Variants in JAG2 observed in about 807,000 individuals in gnomAD.
JAG2 encodes protein jagged-2.
A neutral mutation model predicts 141.7 loss-of-function variants in JAG2; 46 were observed. That is an observed-to-expected ratio of 0.32 (90% CI 0.26 to 0.42). JAG2 has a LOEUF of 0.42. Among genes scored for constraint, JAG2 ranks in the 10% least tolerant of loss-of-function variants. The pLI, the probability that JAG2 is intolerant of heterozygous loss-of-function variation, is 1.00. For synonymous variants in JAG2, 862 were observed against 763.5 expected (o/e 1.13, Z -2.13); for missense variants, 1,500 against 1,817.5 (o/e 0.83, Z 3.18).
Position 105,168,389 on chromosome 14 carries a change from CG to C in JAG2, c.31del (p.Arg11GlyfsTer24), listed in dbSNP as rs1315916121. The C allele has an allele frequency of 6.8e-6, 7 of 1,029,108 alleles. No individual in the cohort carries two copies. The highest frequency in any genetic ancestry group is 6.0e-6 in the Non-Finnish European group (5 of 838,742). The allele number at this position is 1,029,108 out of a possible 1,614,324, so 63.7% of individuals were successfully genotyped here. A position where few individuals can be genotyped will look rare whatever the true frequency, so the allele number is the denominator to read the frequency against. ...GAGCGCCAGCAGCAGCAGCAGCCGC[CG>C]GGGAAGGCGCCCCCGGCCCTGCGCC... MRAQGRGRLP[R>X]RLLLLLALWV... On this transcript the variant is annotated frameshift_variant, in exon 1 of 26. Coordinates refer to ENST00000331782, the MANE Select transcript of JAG2 (RefSeq NM_002226.5). LOFTEE classifies it high-confidence loss of function.
At position 105,144,972 on chromosome 14, in the gene JAG2, G is replaced by A. The variant is rs779846401; in HGVS notation, c.3042C>T (p.Cys1014=). The change falls in exon 24 of 26, where the codon TGC becomes TGT. Residue 1014 remains cysteine, a synonymous_variant. Transcript: ENST00000331782. The part of the protein sequence containing the change: ...VARDRLLVLL[C]DRASSGASAV... ...CACTGGCCCCCGAGGACGCCCGGTC[G>A]CAAAGCAACACCAGCAGGCGGTCCC... 16 of 1,606,944 alleles carry A rather than the reference G, an allele frequency of 1.0e-5. No homozygotes were observed. The highest frequency in any genetic ancestry group is 3.3e-5 in the South Asian group (3 of 90,624).
Position 105,154,562 on chromosome 14 carries a change from G to C in JAG2, c.788+1000C>G, listed in dbSNP as rs758001589. ...AGGCCTCCACCATCTGGACTTGGCT[G>C]TAAGACCCCGGACACTCCCTTGTGG... On this transcript the variant is annotated intron_variant, in intron 5 of 25. Coordinates refer to ENST00000331782, the MANE Select transcript of JAG2 (RefSeq NM_002226.5). The surrounding 1 kb of genome is among the most constrained non-coding windows in gnomAD (Gnocchi z 4.4). 1.3e-5 allele frequency among the ~76,000 whole-genome samples: 2 copies of C among 152,130 alleles called. No individual in the cohort carries two copies. The highest frequency in any genetic ancestry group is 6.5e-5 in the Admixed American group (1 of 15,286).
chr14:105,166,647 C>T (rs1201464934), intron 2 of JAG2, among the ~76,000 whole-genome samples: 2 of 152,322 alleles, frequency 1.3e-5, no homozygotes, highest in East Asian at 3.9e-4. Context: ...GCCAGGGCTG[C>T]AAAGGTACAG....
At chr14:105,168,152 G>C (rs1282563861) in intron 1 of JAG2, 45 bp from the exon 2 acceptor site, 3 of 1,430,954 alleles carry the variant, frequency 2.1e-6, no homozygotes, top group Non-Finnish European at 2.7e-6. Flanking sequence ...GCGGGCCGGG[G>C]TCGGCGGGCC....
chr14:105,164,808 C>T (rs1362460674), intron 2 of JAG2, among the ~76,000 whole-genome samples: 8 of 152,202 alleles, frequency 5.3e-5, no homozygotes, highest in Admixed American at 5.2e-4. Flanking sequence ...CCCCATCTGA[C>T]TTCGTGAGAC....
rs908053699 is a variant in JAG2, at chr14:105,152,346, G to A, written c.789-55C>T. On this transcript the variant is annotated intron_variant, in intron 5 of 25. Transcript: ENST00000331782. ...AGTGAGCTGTGGTGCCTGAAAGGGTGGCAGGGGAGCCAGGCACAGTCACCC... is the reference window on the plus strand; with the variant it reads ...AGTGAGCTGTGGTGCCTGAAAGGGTAGCAGGGGAGCCAGGCACAGTCACCC... 8.2e-6 allele frequency: 13 copies of A among 1,586,784 alleles called. No individual in the cohort carries two copies. The Admixed American group carries it at 1.4e-4, about 17-fold the overall frequency.
At chr14:105,157,858 G>A in intron 2 of JAG2, 95 bp from the exon 3 acceptor site, 1 of 1,150,788 alleles carries the variant, frequency 8.7e-7, no homozygotes, top group Non-Finnish European at 1.3e-6. Context: ...GCTGCCCCTG[G>A]GTCTGCCAGG....
chr14:105,151,748 C>A lies in JAG2; in HGVS notation c.1040-9G>T, dbSNP rs1210213967. On this transcript the variant is annotated splice_polypyrimidine_tract_variant and intron_variant, in intron 7 of 25. Transcript: ENST00000331782. ...GGTGCAGGCGTGCTCAGCTGTAGAACCGCGGGGAGGGGGCAGAGCTGGCAG... is the reference window on the plus strand; with the variant it reads ...GGTGCAGGCGTGCTCAGCTGTAGAAACGCGGGGAGGGGGCAGAGCTGGCAG... 1.2e-5 allele frequency: 19 copies of A among 1,606,708 alleles called. 1 individual carries two copies. The South Asian group carries it at 2.0e-4, about 17-fold the overall frequency.
chr14:105,159,405 C>A (rs1888666263), intron 2 of JAG2, among the ~76,000 whole-genome samples: 1 of 151,924 alleles, frequency 6.6e-6, no homozygotes, highest in Non-Finnish European at 1.5e-5. Flanking sequence ...CCCCTTAAAC[C>A]CGTTTTCCCA....
Position 105,146,773 on chromosome 14 carries a change from G to A in JAG2, c.2480-49C>T, listed in dbSNP as rs745946339. ...CAGTGCAGTGAGGCCAACGCCCACC[G>A]CAGGACCGGCATGGCCTAGGGCAGC... On this transcript the variant is annotated intron_variant, in intron 20 of 25. Transcript: ENST00000331782. 6.6e-5 allele frequency: 95 copies of A among 1,434,920 alleles called. 1 individual carries two copies. Among genetic ancestry groups the A allele is most frequent in the South Asian group, 1.8e-4 (15 of 85,114 alleles). The allele number at this position is 1,434,920 out of a possible 1,614,324, so 88.9% of individuals were successfully genotyped here.
At position 105,157,711 on chromosome 14, in the gene JAG2, G is replaced by A. The variant is rs746204393; in HGVS notation, c.470C>T (p.Pro157Leu). The change falls in exon 3 of 26, where the codon CCG (proline) becomes CTG (leucine). Residue 157 changes from proline (P) to leucine (L), a missense_variant. Pro to Leu is a moderately conservative substitution (Grantham distance 98, BLOSUM62 -3). This residue lies in a region of JAG2 where 875 missense variants were observed against 1,202.2 expected (regional missense o/e 0.73). Transcript: ENST00000331782. Reference sequence around the variant, plus strand: ...CTGGCCCAGGGCTCACTCACCATTCGGGGTGGTATCGTTGTCCCAGTCCCA... The same window carrying A: ...CTGGCCCAGGGCTCACTCACCATTCAGGGTGGTATCGTTGTCCCAGTCCCA... ...EAWDWDNDTT[P>L]NEELLIERVS... The A allele has an allele frequency of 9.6e-6, 15 of 1,565,270 alleles. No homozygotes were observed. The Middle Eastern group carries it at 6.7e-4, about 70-fold the overall frequency.
At chr14:105,153,700 G>A (rs1376088694) in intron 5 of JAG2, among the ~76,000 whole-genome samples, 1 of 152,144 alleles carries the variant, frequency 6.6e-6, no homozygotes, top group African/African-American at 2.4e-5. Context: ...AGGGGCAGGC[G>A]GAGCTCACCT....
chr14:105,162,657 C>T (rs1888784725), intron 2 of JAG2, among the ~76,000 whole-genome samples: 1 of 145,986 alleles, frequency 6.8e-6, no homozygotes, highest in Non-Finnish European at 1.5e-5. Flanking sequence ...GTCCAGGGCA[C>T]CTTAAAGCCC....
At chr14:105,153,812 G>A (rs1007665209) in intron 5 of JAG2, among the ~76,000 whole-genome samples, 3 of 152,102 alleles carry the variant, frequency 2.0e-5, no homozygotes, top group Non-Finnish European at 4.4e-5. Context: ...GCCTTGGTGT[G>A]ACATTCAAGC....
At chr14:105,161,548 C>CCCGCCCGCCGAGAGGGCCTCA (rs1888747832) in intron 2 of JAG2, among the ~76,000 whole-genome samples, 1 of 152,164 alleles carries the variant, frequency 6.6e-6, no homozygotes, top group Admixed American at 6.5e-5. Context: ...CGTGTGCCTG[C>CCCGCCCGCCGAGAGGGCCTCA]CCGCCCGCCG....
At chr14:105,153,362 CCCG>C (rs1888491454) in intron 5 of JAG2, among the ~76,000 whole-genome samples, 1 of 152,242 alleles carries the variant, frequency 6.6e-6, no homozygotes, top group South Asian at 2.1e-4. Context: ...GGCCTCACAT[CCCG>C]CCTAGAATCC....
At chr14:105,153,153 C>T (rs199871221) in intron 5 of JAG2, among the ~76,000 whole-genome samples, 4 of 152,070 alleles carry the variant, frequency 2.6e-5, no homozygotes, top group South Asian at 2.1e-4. Flanking sequence ...ATCCAGGCCA[C>T]GTCACTTCCA....
chr14:105,147,314 C>G lies in JAG2; in HGVS notation c.2479+12G>C, dbSNP rs774176102. On this transcript the variant is annotated intron_variant, in intron 20 of 25. Coordinates refer to ENST00000331782, the MANE Select transcript of JAG2 (RefSeq NM_002226.5). Reference sequence around the variant, plus strand: ...GAGGGGCTCCCAGGGCTGGGGCTGTCTGGCCACTCACTGATGCGGCAGTCA... The same window carrying G: ...GAGGGGCTCCCAGGGCTGGGGCTGTGTGGCCACTCACTGATGCGGCAGTCA... 3.9e-5 allele frequency: 60 copies of G among 1,551,266 alleles called. No homozygotes were observed. Among genetic ancestry groups the G allele is most frequent in the Non-Finnish European group, 4.8e-5 (55 of 1,147,224 alleles).
At chr14:105,150,477 TG>T in intron 12 of JAG2, 126 bp downstream of exon 12, 1 of 973,360 alleles carries the variant, frequency 1.0e-6, no homozygotes, top group Non-Finnish European at 1.5e-6. Context: ...GAGCTGAGCC[TG>T]GGACGCCTTG....
Sources: gnomAD v4.1 joint callset for allele counts (sites outside exome capture counted in the v4.1 genomes callset) on GRCh38, gnomAD v4.1.1 for gene constraint, gnomAD v4.1.1 regional missense constraint, Gnocchi (gnomAD v3.1) non-coding constraint, MANE v1.5 for transcripts, NCBI Gene and HGNC (gene_info 2026-07-23, HGNC 2026-07-21) for gene names.